The following ERBB4 variants were observed in gnomAD, a reference collection of about 807,000 sequenced individuals.
ERBB4 encodes erb-b2 receptor tyrosine kinase 4.
A neutral mutation model predicts 158.0 loss-of-function variants in ERBB4; 42 were observed. That is an observed-to-expected ratio of 0.27 (90% CI 0.21 to 0.34). ERBB4 has a LOEUF of 0.34. ERBB4 is among the 10% of genes least tolerant of loss of function. The pLI is 1.00. For synonymous variants in ERBB4, 583 were observed against 558.7 expected (o/e 1.04, Z -0.61); for missense variants, 1,333 against 1,624.1 (o/e 0.82, Z 3.08).
intron 2 of ERBB4, among the ~76,000 whole-genome samples, chr2:212,011,753 GAAAA>G (rs796450348): frequency 9.5e-6 from 1 of 105,552 alleles, no homozygotes; most frequent in East Asian, 2.8e-4. Flanking sequence ...CTGTCTCAAA[GAAAA>G]AAAAAAAAAA....
intron 1 of ERBB4, among the ~76,000 whole-genome samples, chr2:212,448,954 G>A (rs184049577): frequency 6.6e-6 from 1 of 151,972 alleles, no homozygotes; most frequent in Non-Finnish European, 1.5e-5. Flanking sequence ...TTTATGTTTA[G>A]CTTCATTGCC....
intron 25 of ERBB4, among the ~76,000 whole-genome samples, chr2:211,395,773 A>G (rs2062902330): frequency 6.6e-6 from 1 of 152,070 alleles, no homozygotes. Context: ...CCCTTCACAG[A>G]GAAGAGATAT....
intron 1 of ERBB4, among the ~76,000 whole-genome samples, chr2:212,464,577 G>A (rs1485915355): frequency 2.6e-5 from 4 of 151,968 alleles, no homozygotes; most frequent in East Asian, 1.9e-4. Context: ...TTCATGGATC[G>A]TAGTTTCAAA....
chr2:211,825,113 GAAGAA>G (rs1033808569), intron 3 of ERBB4, among the ~76,000 whole-genome samples: 4 of 151,814 alleles, frequency 2.6e-5, no homozygotes, highest in Admixed American at 2.0e-4. Flanking sequence ...TTCCATAAGA[GAAGAA>G]AAGGACAGTC....
intron 3 of ERBB4, among the ~76,000 whole-genome samples, chr2:211,943,931 T>C (rs1273712291): frequency 1.3e-5 from 2 of 151,598 alleles, no homozygotes; most frequent in East Asian, 3.9e-4. Context: ...TAGTGTATAA[T>C]GACAGTCTTC....
At chr2:211,972,957 G>C (rs140535067) in intron 2 of ERBB4, among the ~76,000 whole-genome samples, 128 of 152,164 alleles carry the variant, frequency 8.4e-4, no homozygotes, top group African/African-American at 2.7e-3. Flanking sequence ...ACTATCAACA[G>C]AGTAAACCTA....
chr2:211,523,544 G>T (rs1574665988), intron 20 of ERBB4, among the ~76,000 whole-genome samples: 1 of 151,612 alleles, frequency 6.6e-6, no homozygotes, highest in Non-Finnish European at 1.5e-5. Flanking sequence ...CTTCTGGTGG[G>T]TTCGTGGTCT....
intron 3 of ERBB4, among the ~76,000 whole-genome samples, chr2:211,816,948 T>C (rs1402559382): frequency 6.6e-6 from 1 of 152,130 alleles, no homozygotes; most frequent in East Asian, 1.9e-4. Flanking sequence ...ATAAACAGCC[T>C]TTAAAAAAAT....
In ERBB4 at chr2:212,417,906, G is replaced by A. The variant is rs148821606; in HGVS notation, c.82+120543C>T. ...TCCCATGGGATAGTATTAAGAGATG[G>A]GGCCTTTTAGAAATAATTAGGTTTA... On this transcript the variant is annotated intron_variant, in intron 1 of 27. Transcript: ENST00000342788. Among the ~76,000 whole-genome samples the A allele has an allele frequency of 7.5e-3, 1,135 of 151,934 alleles. 10 individuals carry two copies. Among genetic ancestry groups the A allele is most frequent in the African/African-American group, 0.026 (1,073 of 41,476 alleles).
At chr2:212,163,478 C>T (rs1273051085) in intron 1 of ERBB4, among the ~76,000 whole-genome samples, 1 of 152,046 alleles carries the variant, frequency 6.6e-6, no homozygotes, top group Non-Finnish European at 1.5e-5. Context: ...TGATCTAACA[C>T]ATAAAGAATT....
chr2:211,883,836 G>A (rs2078726601), intron 3 of ERBB4, among the ~76,000 whole-genome samples: 1 of 152,090 alleles, frequency 6.6e-6, no homozygotes, highest in African/African-American at 2.4e-5. Context: ...TGAAAAGTTG[G>A]AAGATTTTGA....
intron 6 of ERBB4, among the ~76,000 whole-genome samples, chr2:211,723,324 A>G (rs962614168): frequency 2.0e-4 from 31 of 152,210 alleles, no homozygotes; most frequent in African/African-American, 7.0e-4. Flanking sequence ...ATGTGTAAGT[A>G]CATATAAACA....
chr2:211,946,576 C>CTTTTTTTTTTTTTTT (rs56007115), intron 3 of ERBB4, among the ~76,000 whole-genome samples: 4 of 49,568 alleles, frequency 8.1e-5, no homozygotes, highest in Admixed American at 3.4e-4. Flanking sequence ...AATTAGCTCT[C>CTTTTTTTTTTTTTTT]TTTTTTTTTT....
chr2:212,522,566 G>A (rs772968465), intron 1 of ERBB4, among the ~76,000 whole-genome samples: 7 of 151,906 alleles, frequency 4.6e-5, no homozygotes, highest in Non-Finnish European at 8.8e-5. Flanking sequence ...TCTACGCAGA[G>A]GTAAGACAGG....
At chr2:211,666,735 G>T (rs2071644932) in intron 14 of ERBB4, among the ~76,000 whole-genome samples, 1 of 151,952 alleles carries the variant, frequency 6.6e-6, no homozygotes, top group Admixed American at 6.6e-5. Flanking sequence ...TCTCCTCTTT[G>T]ACCACTCCCC....
At chr2:211,952,777 C>A (rs978133524) in intron 2 of ERBB4, among the ~76,000 whole-genome samples, 2 of 151,844 alleles carry the variant, frequency 1.3e-5, no homozygotes, top group African/African-American at 4.8e-5. Flanking sequence ...ATATAAGAAA[C>A]CTGTCTGGCA....
At chr2:211,838,746 A>C (rs2077397936) in intron 3 of ERBB4, among the ~76,000 whole-genome samples, 1 of 152,146 alleles carries the variant, frequency 6.6e-6, no homozygotes, top group African/African-American at 2.4e-5. Flanking sequence ...GAAATAGACA[A>C]ATAATTCCAG....
chr2:212,425,778 T>A (rs141202805), intron 1 of ERBB4, among the ~76,000 whole-genome samples: 1 of 152,068 alleles, frequency 6.6e-6, no homozygotes, highest in African/African-American at 2.4e-5. Context: ...TGTCCTTGCT[T>A]CATTCTTTTT....
At chr2:211,643,443 C>T (rs1464769323) in intron 16 of ERBB4, among the ~76,000 whole-genome samples, 2 of 152,068 alleles carry the variant, frequency 1.3e-5, no homozygotes, top group African/African-American at 4.8e-5. Flanking sequence ...AGAATAACAC[C>T]TAAAACTATT....
Sources: gnomAD v4.1 joint callset for allele counts (sites outside exome capture counted in the v4.1 genomes callset) on GRCh38, gnomAD v4.1.1 for gene constraint, MANE v1.5 for transcripts, NCBI Gene and HGNC (gene_info 2026-07-23, HGNC 2026-07-21) for gene names.